ESR1: variants seen among roughly 807,000 people sequenced by gnomAD.
The protein encoded by ESR1 is estrogen receptor.
A neutral mutation model predicts 52.7 loss-of-function variants in ESR1; 12 were observed. The observed-to-expected ratio is 0.23, with a 90% CI of 0.15 to 0.37. The LOEUF is 0.37. Among genes scored for constraint, ESR1 ranks in the 10% least tolerant of loss-of-function variants. ESR1 has a pLI of 1.00. For missense variants in ESR1, 584 were observed against 779.7 expected, an observed-to-expected ratio of 0.75 and a Z score of 2.99; for synonymous variants, 305 against 316.8, an observed-to-expected ratio of 0.96 and a Z score of 0.39.
chr6:152,097,048 G>A (rs534553848), intron 7 of ESR1, among the ~76,000 whole-genome samples: 17 of 152,294 alleles, frequency 1.1e-4, no homozygotes, highest in African/African-American at 4.1e-4. Context: ...TACTGGCCAC[G>A]TCTGGCAGAG....
rs150601731 is a variant in ESR1, at chr6:151,947,288, C to T, written c.1096+2780C>T. ...GAGCCGAGACCCCACAACTGCACTC[C>T]GGCCTGGGCAACAATGAGACTCTGT... On this transcript the variant is annotated intron_variant, in intron 4 of 7. Transcript: ENST00000206249. Among the ~76,000 whole-genome samples, 73 of 152,172 alleles carry T rather than the reference C, an allele frequency of 4.8e-4. 1 individual carries two copies. In the East Asian group the frequency reaches 0.011, roughly 23 times the overall value.
At chr6:151,813,516 C>G (rs1211728942) in intron 1 of ESR1, 1 of 152,042 alleles carries the variant, frequency 6.6e-6, no homozygotes, top group Admixed American at 6.5e-5. Flanking sequence ...CTACTTGGCT[C>G]ATTGTTTTAG....
At chr6:151,755,937 CTT>C (rs1212723300) in intron 2 of ESR1, among the ~76,000 whole-genome samples, 2 of 151,916 alleles carry the variant, frequency 1.3e-5, no homozygotes, top group South Asian at 2.1e-4. Context: ...AGCCATGACT[CTT>C]TTCAAAAACT....
chr6:151,803,426 C>T (rs964254521), upstream of ESR1, among the ~76,000 whole-genome samples: 77 of 152,092 alleles, frequency 5.1e-4, no homozygotes, highest in African/African-American at 1.7e-3. Context: ...AAAGAAAAGC[C>T]TTGAGTTCTT....
In ESR1 at chr6:152,053,276, G is replaced by C. The variant is rs1328769897; in HGVS notation, c.1236-7715G>C. Among the ~76,000 whole-genome samples, 1 of 151,086 alleles carries C rather than the reference G, an allele frequency of 6.6e-6. No individual in the cohort carries two copies. The highest frequency in any genetic ancestry group is 1.5e-5 in the Non-Finnish European group (1 of 67,824). On this transcript the variant is annotated intron_variant, in intron 5 of 7. Coordinates refer to ENST00000206249, the MANE Select transcript of ESR1 (RefSeq NM_000125.4). The surrounding 1 kb of genome is among the most constrained non-coding windows in gnomAD (Gnocchi z 4.1). ...TGGACCTTCTGACATTCAACATCTT[G>C]GTCGCTCCTATCCAGCCACACCTCT...
At chr6:151,876,984 C>T (rs1037991534) in intron 2 of ESR1, among the ~76,000 whole-genome samples, 1 of 151,630 alleles carries the variant, frequency 6.6e-6, no homozygotes, top group African/African-American at 2.4e-5. Flanking sequence ...AACACACACA[C>T]ACACACTGCT....
rs546221628 is a variant in ESR1 at position 152,042,649 on chromosome 6, A to AG, written c.1236-18338dup. Among the ~76,000 whole-genome samples the AG allele has an allele frequency of 9.1e-4, 139 of 152,256 alleles. 1 individual carries two copies. Among genetic ancestry groups the AG allele is most frequent in the African/African-American group, 3.2e-3 (131 of 41,552 alleles). ...CTGGTTCAAGTCTGCAAATTGATTG[A>AG]GGGGCCGTGATTCTTTGTATAATTT... On this transcript the variant is annotated intron_variant, in intron 5 of 7. Coordinates refer to ENST00000206249, the MANE Select transcript of ESR1 (RefSeq NM_000125.4).
chr6:151,756,279 A>G (rs1784276751), intron 2 of ESR1, among the ~76,000 whole-genome samples: 1 of 151,550 alleles, frequency 6.6e-6, no homozygotes, highest in Non-Finnish European at 1.5e-5. Context: ...ACAGAGTATT[A>G]CTCTGTCACT....
chr6:152,085,599 C>CT (rs2049642715), intron 6 of ESR1, among the ~76,000 whole-genome samples: 1 of 152,068 alleles, frequency 6.6e-6, no homozygotes, highest in African/African-American at 2.4e-5. Context: ...TTGGCTGGGA[C>CT]GTCAGCTGGA....
intron 2 of ESR1, among the ~76,000 whole-genome samples, chr6:151,769,387 T>C (rs1291926002): frequency 2.0e-5 from 3 of 152,176 alleles, no homozygotes; most frequent in Non-Finnish European, 2.9e-5. Flanking sequence ...GGTATTAAAC[T>C]TATTCTAATT....
At chr6:151,876,712 C>G (rs201718851) in intron 2 of ESR1, among the ~76,000 whole-genome samples, 1 of 152,142 alleles carries the variant, frequency 6.6e-6, no homozygotes, top group Non-Finnish European at 1.5e-5. Context: ...TTTCTCTCCC[C>G]GCTTCCTGTC....
intron 2 of ESR1, among the ~76,000 whole-genome samples, chr6:151,870,638 A>G (rs1349213300): frequency 1.3e-5 from 2 of 152,172 alleles, no homozygotes; most frequent in African/African-American, 4.8e-5. Flanking sequence ...CATGGGAACT[A>G]GGGTAATCTA....
chr6:152,047,856 T>C (rs554862258), intron 5 of ESR1, among the ~76,000 whole-genome samples: 2 of 152,106 alleles, frequency 1.3e-5, no homozygotes, highest in Admixed American at 1.3e-4. Context: ...CTGTGGCCAC[T>C]ATGTGCTCCC....
rs986807446 is a variant in ESR1, at chr6:152,094,629, G to A, written c.1553+61G>A. On this transcript the variant is annotated intron_variant, in intron 7 of 7. Transcript: ENST00000206249. The surrounding 1 kb of genome is among the most constrained non-coding windows in gnomAD (Gnocchi z 4.6). ...AAAGAAAACATGCCCCCAAACCTAT[G>A]TGACAGCTGGCCGGGAAGGACTGGT... 6.6e-7 allele frequency: 1 copy of A among 1,521,832 alleles called. No individual in the cohort carries two copies. The allele number at this position is 1,521,832 out of a possible 1,614,324, so 94.3% of individuals were successfully genotyped here. A position where few individuals can be genotyped will look rare whatever the true frequency, so the allele number is the denominator to read the frequency against.
At chr6:151,952,908 A>G (rs1232498952) in intron 4 of ESR1, among the ~76,000 whole-genome samples, 1 of 152,242 alleles carries the variant, frequency 6.6e-6, no homozygotes, top group African/African-American at 2.4e-5. Context: ...AATAAATCAT[A>G]TTTTAATGTA....
intron 5 of ESR1, among the ~76,000 whole-genome samples, chr6:152,054,306 A>G (rs2046930329): frequency 6.6e-6 from 1 of 152,034 alleles, no homozygotes; most frequent in South Asian, 2.1e-4. Flanking sequence ...CATCCATCCT[A>G]ACATACAGTT....
intron 2 of ESR1, among the ~76,000 whole-genome samples, chr6:151,745,734 T>A (rs748847464): frequency 7.9e-5 from 12 of 152,064 alleles, no homozygotes; most frequent in Non-Finnish European, 1.5e-4. Context: ...TTTAAAAAAT[T>A]ATATTATTTT....
At chr6:152,016,862 A>G (rs2128801366) in intron 5 of ESR1, among the ~76,000 whole-genome samples, 1 of 152,264 alleles carries the variant, frequency 6.6e-6, no homozygotes, top group South Asian at 2.1e-4. Context: ...CTGTCTCCAT[A>G]GGCTGTTTTC....
At chr6:151,986,620 A>C (rs1486806350) in intron 4 of ESR1, among the ~76,000 whole-genome samples, 2 of 152,178 alleles carry the variant, frequency 1.3e-5, no homozygotes, top group Non-Finnish European at 2.9e-5. Flanking sequence ...TGCATGAGGC[A>C]AAATAATTCA....
Sources: allele counts gnomAD v4.1 joint callset (sites outside exome capture counted in the v4.1 genomes callset), GRCh38; gene constraint gnomAD v4.1.1; non-coding constraint Gnocchi (gnomAD v3.1); transcripts MANE v1.5; gene names NCBI Gene and HGNC (gene_info 2026-07-23, HGNC 2026-07-21).